RADIL: variants seen among roughly 807,000 people sequenced by gnomAD.
RADIL encodes Rap associating with DIL domain, also known as ras-associating and dilute domain-containing protein.
RADIL carries 99 observed loss-of-function variants against 97.6 expected under a neutral mutation model. The observed-to-expected ratio is 1.01, with a 90% CI of 0.86 to 1.20. RADIL has a LOEUF of 1.20. RADIL is among the 50% of genes most tolerant of loss of function. RADIL has a pLI of 0.00. For missense variants in RADIL, 1,765 were observed against 1,498.9 expected (o/e 1.18, Z -2.93); for synonymous variants, 803 against 691.8 (o/e 1.16, Z -2.52).
rs946845563 is a variant in RADIL at position 4,878,554 on chromosome 7, A to G, written c.-64-351T>C. Among the ~76,000 whole-genome samples the G allele has an allele frequency of 6.6e-6, 1 of 152,182 alleles. No individual in the cohort carries two copies. The highest frequency in any genetic ancestry group is 6.5e-5 in the Admixed American group (1 of 15,274). The stretch of plus-strand genomic sequence containing the variant: ...GACCCCATCTCAAAATCTAATGGAC[A>G]TAACAGGCCGTGGGCATCCTGGCCC... On this transcript the variant is annotated intron_variant, in intron 1 of 14. Coordinates refer to ENST00000399583, the MANE Select transcript of RADIL (RefSeq NM_018059.5). The surrounding 1 kb of genome is among the most constrained non-coding windows in gnomAD (Gnocchi z 4.1).
Position 4,835,465 on chromosome 7 carries a change from A to G in RADIL, c.784-226T>C, listed in dbSNP as rs2115002583. ...GGTCGGTTTCCCGGAGGAGCACACG[A>G]GAGACCCAGGAGACACCCAGCTTTG... is the stretch of plus-strand genomic sequence containing the variant. On this transcript the variant is annotated intron_variant, in intron 3 of 14. Transcript: ENST00000399583. The surrounding 1 kb of genome is among the most constrained non-coding windows in gnomAD (Gnocchi z 5.8). 6.6e-6 allele frequency among the ~76,000 whole-genome samples: 1 copy of G among 152,230 alleles called. No homozygotes were observed. The highest frequency in any genetic ancestry group is 1.9e-4 in the East Asian group (1 of 5,144).
chr7:4,860,934 C>T (rs774066379), intron 2 of RADIL: 1 of 1,614,208 alleles, frequency 6.2e-7, no homozygotes, highest in Non-Finnish European at 8.5e-7. Flanking sequence ...AGATTCCGTT[C>T]TTCAGGCTCC....
intron 9 of RADIL, chr7:4,809,037 A>T: frequency 3.1e-6 from 2 of 646,002 alleles, no homozygotes; most frequent in Non-Finnish European, 3.5e-6. Context: ...TCCCCTTCCG[A>T]CGCCACTGCC....
Position 4,819,035 on chromosome 7 carries a change from C to T in RADIL, c.1616-1684G>A, listed in dbSNP as rs1782754937. Among the ~76,000 whole-genome samples the T allele has an allele frequency of 6.6e-6, 1 of 151,678 alleles. No homozygotes were observed. Among genetic ancestry groups the T allele is most frequent in the South Asian group, 2.1e-4 (1 of 4,806 alleles). On this transcript the variant is annotated intron_variant, in intron 6 of 14. Transcript: ENST00000399583. This position sits in a 1 kb window ranked among gnomAD's most constrained non-coding sequence, Gnocchi z 5.8. ...GGGATTACAGGCATGCACCCCTGCA[C>T]CCGGCCCTGAGACTCCATTTCTCTC...
At position 4,840,645 on chromosome 7, in the gene RADIL, T is replaced by C. The variant is rs1325359899; in HGVS notation, c.536-4040A>G. On this transcript the variant is annotated intron_variant, in intron 2 of 14. Transcript: ENST00000399583. This position sits in a 1 kb window ranked among gnomAD's most constrained non-coding sequence, Gnocchi z 5.6. ...AATGGGAGATTCCGCCAACATGAAATAAGTTCAGTGAGAAATACATCATCA... is the reference window on the plus strand; with the variant it reads ...AATGGGAGATTCCGCCAACATGAAACAAGTTCAGTGAGAAATACATCATCA... Among the ~76,000 whole-genome samples the C allele has an allele frequency of 1.3e-5, 2 of 152,062 alleles. No homozygotes were observed. Among genetic ancestry groups the C allele is most frequent in the African/African-American group, 4.8e-5 (2 of 41,390 alleles).
At chr7:4,864,117 T>C (rs1285065567) in intron 2 of RADIL, among the ~76,000 whole-genome samples, 1 of 152,258 alleles carries the variant, frequency 6.6e-6, no homozygotes, top group Non-Finnish European at 1.5e-5. Context: ...TTTTAATCCA[T>C]TTCAACATTG....
Position 4,840,145 on chromosome 7 carries a change from G to A in RADIL, c.536-3540C>T, listed in dbSNP as rs1224485006. Among the ~76,000 whole-genome samples, 3 of 152,204 alleles carry A rather than the reference G, an allele frequency of 2.0e-5. No homozygotes were observed. Among genetic ancestry groups the A allele is most frequent in the Admixed American group, 2.0e-4 (3 of 15,282 alleles). On this transcript the variant is annotated intron_variant, in intron 2 of 14. Coordinates refer to ENST00000399583, the MANE Select transcript of RADIL (RefSeq NM_018059.5). This position sits in a 1 kb window ranked among gnomAD's most constrained non-coding sequence, Gnocchi z 5.6. Reference sequence around the variant, plus strand: ...GGCCCTGTCCCAAGATGAGGCTGCGGCAGATGGGACCCAGCACTCTGCTCC... The same window carrying A: ...GGCCCTGTCCCAAGATGAGGCTGCGACAGATGGGACCCAGCACTCTGCTCC...
intron 11 of RADIL, among the ~76,000 whole-genome samples, chr7:4,802,767 G>T (rs549705810): frequency 1.8e-4 from 17 of 93,018 alleles, no homozygotes; most frequent in African/African-American, 2.3e-4. Flanking sequence ...CTCGGGGCAC[G>T]CTGGCTGGGG....
intron 8 of RADIL, 118 bp downstream of exon 8, chr7:4,816,110 G>A: frequency 1.1e-6 from 1 of 907,962 alleles, no homozygotes; most frequent in Admixed American, 2.2e-5. Context: ...CAGACGCTCA[G>A]GGAGCAGGAG....
intron 9 of RADIL, among the ~76,000 whole-genome samples, chr7:4,806,420 C>G (rs1457761474): frequency 1.3e-5 from 2 of 152,178 alleles, no homozygotes; most frequent in African/African-American, 2.4e-5. Context: ...TTCCTGGCCT[C>G]AAGCAATCCT....
Position 4,849,386 on chromosome 7 carries a change from G to T in RADIL, c.536-12781C>A, listed in dbSNP as rs1783655647. ...TGCAAGAATGAATTAATGAATGAATGAACGTTGATGGGATCAATTCCATCA... is the reference window on the plus strand; with the variant it reads ...TGCAAGAATGAATTAATGAATGAATTAACGTTGATGGGATCAATTCCATCA... On this transcript the variant is annotated intron_variant, in intron 2 of 14. Transcript: ENST00000399583. This position sits in a 1 kb window ranked among gnomAD's most constrained non-coding sequence, Gnocchi z 5.4. 1.3e-5 allele frequency among the ~76,000 whole-genome samples: 2 copies of T among 152,180 alleles called. No individual in the cohort carries two copies. The highest frequency in any genetic ancestry group is 1.3e-4 in the Admixed American group (2 of 15,274).
At chr7:4,816,653 C>T (rs1042834982) in intron 7 of RADIL, among the ~76,000 whole-genome samples, 188 bp from the exon 8 acceptor site, 5 of 152,076 alleles carry the variant, frequency 3.3e-5, no homozygotes, top group African/African-American at 1.2e-4. Context: ...GGAGCTGCCT[C>T]CTGGGGCTGC....
At chr7:4,805,981 C>A in intron 9 of RADIL, 1 of 985,466 alleles carries the variant, frequency 1.0e-6, no homozygotes, top group African/African-American at 1.7e-5. Flanking sequence ...CAAGCAAGGG[C>A]CGGCCTCACA....
intron 9 of RADIL, chr7:4,808,522 G>A (rs989608130): frequency 3.2e-6 from 3 of 946,764 alleles, no homozygotes; most frequent in South Asian, 4.9e-5. Context: ...GTTTTTAAAG[G>A]GTTTGAGAAA....
intron 2 of RADIL, among the ~76,000 whole-genome samples, chr7:4,841,090 C>T (rs1467949071): frequency 6.6e-6 from 1 of 152,236 alleles, no homozygotes; most frequent in Non-Finnish European, 1.5e-5. Context: ...GGAAGTTATT[C>T]ATCTTAAATA....
rs34276261 is a variant in RADIL at position 4,850,216 on chromosome 7, T to TAAAAAAAAAAA, written c.536-13622_536-13612dup. On this transcript the variant is annotated intron_variant, in intron 2 of 14. Transcript: ENST00000399583. ...ACCCACACTACACAGACGATCCCTT[T>TAAAAAAAAAAA]AAAAAAAAAAAAAAAAAAAAAACCT... Among the ~76,000 whole-genome samples the TAAAAAAAAAAA allele has an allele frequency of 7.4e-4, 65 of 88,046 alleles. 1 individual carries two copies. The highest frequency in any genetic ancestry group is 2.5e-3 in the African/African-American group (59 of 23,730). The allele number at this position is 88,046 out of a possible 152,430, so 57.8% of individuals were successfully genotyped here. A position where few individuals can be genotyped will look rare whatever the true frequency, so the allele number is the denominator to read the frequency against.
In RADIL at chr7:4,822,608, G is replaced by A; in HGVS notation, c.1455-54C>T. On this transcript the variant is annotated intron_variant, in intron 5 of 14. Coordinates refer to ENST00000399583, the MANE Select transcript of RADIL (RefSeq NM_018059.5). The surrounding 1 kb of genome is among the most constrained non-coding windows in gnomAD (Gnocchi z 5.3). ...GCGGGGACCCGACCCTCAGGAGGCTGAATCTACCACTCTTTCTACATAAGG... is the reference window on the plus strand; with the variant it reads ...GCGGGGACCCGACCCTCAGGAGGCTAAATCTACCACTCTTTCTACATAAGG... 4.5e-6 allele frequency: 7 copies of A among 1,571,940 alleles called. No homozygotes were observed. Among genetic ancestry groups the A allele is most frequent in the East Asian group, 2.2e-5 (1 of 44,652 alleles).
chr7:4,846,104 G>C (rs1783562430), intron 2 of RADIL, among the ~76,000 whole-genome samples: 1 of 148,174 alleles, frequency 6.7e-6, no homozygotes, highest in South Asian at 2.2e-4. Context: ...TGTCTCTTTT[G>C]TTCCAGAGCT....
At chr7:4,802,760 G>A (rs189955091) in intron 11 of RADIL, among the ~76,000 whole-genome samples, 562 of 86,428 alleles carry the variant, frequency 6.5e-3, no homozygotes, top group Non-Finnish European at 8.8e-3. Context: ...CGGGCACCTC[G>A]GGGCACGCTG....
Sources: gnomAD v4.1 joint callset for allele counts (sites outside exome capture counted in the v4.1 genomes callset) on GRCh38, gnomAD v4.1.1 for gene constraint, Gnocchi (gnomAD v3.1) non-coding constraint, MANE v1.5 for transcripts, NCBI Gene and HGNC (gene_info 2026-07-23, HGNC 2026-07-21) for gene names.